The following NEMP2 variants were observed in gnomAD, a reference collection of about 807,000 sequenced individuals.
NEMP2 encodes the protein UPF0571 transmembrane protein.
In NEMP2, 53 loss-of-function variants were observed where a neutral mutation model predicts 54.2. That is an observed-to-expected ratio of 0.98 (90% CI 0.78 to 1.23). The LOEUF is 1.23. Ranked by LOEUF, NEMP2 falls within the 50% of genes most tolerant of loss-of-function variation. The pLI, the probability that NEMP2 is intolerant of heterozygous loss-of-function variation, is 0.00. For synonymous variants in NEMP2, 197 were observed against 190.3 expected, an observed-to-expected ratio of 1.04 and a Z score of -0.29; for missense variants, 455 against 511.3, an observed-to-expected ratio of 0.89 and a Z score of 1.06.
At chr2:190,543,588 C>T in the NEMP2 span, among the ~76,000 whole-genome samples, 1 of 152,160 alleles carries the variant, frequency 6.6e-6, no homozygotes, top group South Asian at 2.1e-4. The surrounding 1 kb of genome is among the most constrained non-coding windows in gnomAD (Gnocchi z 4.7). Context: ...GTTCAATTCT[C>T]TTACCACCTG....
the NEMP2 span, among the ~76,000 whole-genome samples, chr2:190,556,449 A>G: frequency 2.6e-5 from 4 of 152,216 alleles, no homozygotes; most frequent in African/African-American, 7.2e-5. Context: ...CAACACTCCT[A>G]TTCAACACAG....
At chr2:190,580,786 G>T in the NEMP2 span, among the ~76,000 whole-genome samples, 1 of 152,178 alleles carries the variant, frequency 6.6e-6, no homozygotes, top group Non-Finnish European at 1.5e-5. The surrounding 1 kb of genome is among the most constrained non-coding windows in gnomAD (Gnocchi z 5.3). Flanking sequence ...GGAGTGGGGA[G>T]AAGTGTCAGT....
Position 190,505,905 on chromosome 2 carries a change from A to T in NEMP2, c.*3284T>A, listed in dbSNP as rs988319835. 6 of 152,032 alleles carry T rather than the reference A, an allele frequency of 3.9e-5. No homozygotes were observed. The highest frequency in any genetic ancestry group is 1.2e-4 in the African/African-American group (5 of 41,368). 9.4% of individuals were successfully genotyped at this position (152,032 alleles called of 1,614,324 possible). A position where few individuals can be genotyped will look rare whatever the true frequency, so the allele number is the denominator to read the frequency against. ...GGGTGGGGGGTGGCATCTGCATCAA[A>T]CTCTTTGGCCTCATGACATTAACCA... On this transcript the variant is annotated 3_prime_UTR_variant, in exon 9 of 9. Coordinates refer to ENST00000409150, the MANE Select transcript of NEMP2 (RefSeq NM_001142645.2). This position sits in a 1 kb window ranked among gnomAD's most constrained non-coding sequence, Gnocchi z 5.8.
chr2:190,452,142 AC>A, the NEMP2 span, among the ~76,000 whole-genome samples: 5 of 152,132 alleles, frequency 3.3e-5, no homozygotes, highest in Non-Finnish European at 7.4e-5. Context: ...AAAGTAAAAA[AC>A]AAAAATAAGT....
At chr2:190,534,467 G>T in intron 1 of NEMP2, 92 bp downstream of exon 1, 1 of 1,265,242 alleles carries the variant, frequency 7.9e-7, no homozygotes, top group Non-Finnish European at 9.9e-7. Flanking sequence ...GCCTCGCGGT[G>T]CCGCCCGGGC....
the NEMP2 span, among the ~76,000 whole-genome samples, chr2:190,481,245 G>A: frequency 6.6e-6 from 1 of 152,146 alleles, no homozygotes; most frequent in South Asian, 2.1e-4. Flanking sequence ...AAAAATTCAC[G>A]AGGGCCCCCT....
chr2:190,493,191 A>C, the NEMP2 span, among the ~76,000 whole-genome samples: 1 of 152,224 alleles, frequency 6.6e-6, no homozygotes, highest in South Asian at 2.1e-4. Context: ...GGAAAAAGAC[A>C]TTCCATGCAA....
the NEMP2 span, among the ~76,000 whole-genome samples, chr2:190,494,422 AAAG>A: frequency 2.0e-5 from 3 of 152,038 alleles, no homozygotes; most frequent in African/African-American, 4.8e-5. This position sits in a 1 kb window ranked among gnomAD's most constrained non-coding sequence, Gnocchi z 5.7. Flanking sequence ...TCAGGCATTC[AAAG>A]AAGAATTGGT....
the NEMP2 span, among the ~76,000 whole-genome samples, chr2:190,548,748 A>G: frequency 6.6e-6 from 1 of 152,246 alleles, no homozygotes; most frequent in Non-Finnish European, 1.5e-5. Flanking sequence ...TTAGAAAGCT[A>G]TACAAAAATA....
chr2:190,534,633 C>A lies in NEMP2; in HGVS notation c.23G>T (p.Trp8Leu). Residue 8 changes from tryptophan to leucine, a missense_variant, in exon 1 of 9, where the codon TGG becomes TTG. Coordinates refer to ENST00000409150, the MANE Select transcript of NEMP2 (RefSeq NM_001142645.2). ...GGGCGGCAGCCAGAGCAGCAGCCAC[C>A]ACCGCCCTTGGCGCGGCCCCATTTC... MGPRQGR[W>L]WLLLWLPPLA... 1 of 1,352,504 alleles carries A rather than the reference C, an allele frequency of 7.4e-7. No homozygotes were observed. Among genetic ancestry groups the A allele is most frequent in the African/African-American group, 1.5e-5 (1 of 65,548 alleles). 83.8% of individuals were successfully genotyped at this position (1,352,504 alleles called of 1,614,324 possible).
chr2:190,517,729 TG>T (rs1690611179), intron 4 of NEMP2, 116 bp from the exon 5 acceptor site: 5 of 740,050 alleles, frequency 6.8e-6, no homozygotes, highest in Admixed American at 2.8e-5. Context: ...AAAACTCAGA[TG>T]GCAGCTCTCA....
At chr2:190,470,410 A>G in the NEMP2 span, among the ~76,000 whole-genome samples, 3 of 152,186 alleles carry the variant, frequency 2.0e-5, no homozygotes, top group African/African-American at 7.2e-5. Context: ...TCAAGACACA[A>G]CTGAAAAAGT....
the NEMP2 span, among the ~76,000 whole-genome samples, chr2:190,430,431 C>A: frequency 6.6e-6 from 1 of 151,404 alleles, no homozygotes; most frequent in East Asian, 2.0e-4. Context: ...TGCCTTCAAG[C>A]ATCTGTTTAA....
Position 190,514,943 on chromosome 2 carries a change from G to T in NEMP2, c.728-265C>A, listed in dbSNP as rs1447220350. ...GTCTGTGTTTTAGTCCAGCACCCTG[G>T]CTGGACTAAAATGTTATCATGGTTA... On this transcript the variant is annotated intron_variant, in intron 6 of 8. Coordinates refer to ENST00000409150, the MANE Select transcript of NEMP2 (RefSeq NM_001142645.2). The surrounding 1 kb of genome is among the most constrained non-coding windows in gnomAD (Gnocchi z 5.7). Among the ~76,000 whole-genome samples the T allele has an allele frequency of 6.6e-6, 1 of 152,162 alleles. No individual in the cohort carries two copies. The highest frequency in any genetic ancestry group is 1.9e-4 in the East Asian group (1 of 5,184).
chr2:190,514,785 T>C lies in NEMP2; in HGVS notation c.728-107A>G, dbSNP rs1690494321. On this transcript the variant is annotated intron_variant, in intron 6 of 8. Coordinates refer to ENST00000409150, the MANE Select transcript of NEMP2 (RefSeq NM_001142645.2). This position sits in a 1 kb window ranked among gnomAD's most constrained non-coding sequence, Gnocchi z 5.7. ...GGTAAAAACTATTAGAGAACCTTAATTTTTGTGTTTTTTACCCCATAAAGT... is the reference window on the plus strand; with the variant it reads ...GGTAAAAACTATTAGAGAACCTTAACTTTTGTGTTTTTTACCCCATAAAGT... The C allele has an allele frequency of 9.4e-6, 10 of 1,068,912 alleles. No homozygotes were observed. The highest frequency in any genetic ancestry group is 1.3e-5 in the Non-Finnish European group (10 of 741,746). 66.2% of individuals were successfully genotyped at this position (1,068,912 alleles called of 1,614,324 possible).
chr2:190,610,240 G>C, the NEMP2 span: 79 of 152,284 alleles, frequency 5.2e-4, no homozygotes, highest in African/African-American at 1.9e-3. The surrounding 1 kb of genome is among the most constrained non-coding windows in gnomAD (Gnocchi z 5.4). Flanking sequence ...TTTGTATAAA[G>C]TGCAGCAAGA....
chr2:190,583,274 C>G, the NEMP2 span, among the ~76,000 whole-genome samples: 1 of 149,848 alleles, frequency 6.7e-6, no homozygotes, highest in African/African-American at 2.5e-5. Flanking sequence ...AGCTGGCAAT[C>G]ACTTTTAGGG....
the NEMP2 span, among the ~76,000 whole-genome samples, chr2:190,575,867 GAAAGAAAGAA>G: frequency 6.8e-6 from 1 of 147,958 alleles, no homozygotes; most frequent in African/African-American, 2.5e-5. Flanking sequence ...ACAAAAAAAA[GAAAGAAAGAA>G]AAAGAAAAAA....
At chr2:190,537,568 A>G (rs559005079), upstream of NEMP2, among the ~76,000 whole-genome samples, 13 of 152,220 alleles carry the variant, frequency 8.5e-5, no homozygotes, top group Admixed American at 6.5e-4. Context: ...CTGTGAGTCA[A>G]TTAAACCTCT....
Sources: allele counts gnomAD v4.1 joint callset (sites outside exome capture counted in the v4.1 genomes callset), GRCh38; gene constraint gnomAD v4.1.1; non-coding constraint Gnocchi (gnomAD v3.1); transcripts MANE v1.5; gene names NCBI Gene and HGNC (gene_info 2026-07-23, HGNC 2026-07-21).